FOXP1: variants seen among roughly 807,000 people sequenced by gnomAD.
FOXP1 encodes forkhead box protein P1.
Under a neutral mutation model 98.2 loss-of-function variants are expected in FOXP1, and 15 were observed. That is an observed-to-expected ratio of 0.15 (90% CI 0.10 to 0.24). The LOEUF (loss-of-function observed/expected upper bound fraction) is 0.24, where lower values mean the gene tolerates loss of function less well. Ranked by LOEUF, FOXP1 falls within the 10% of genes least tolerant of loss-of-function variation. The pLI, the probability that FOXP1 is intolerant of heterozygous loss-of-function variation, is 1.00. For missense variants in FOXP1, 633 were observed against 848.5 expected, an observed-to-expected ratio of 0.75 and a Z score of 3.15; for synonymous variants, 371 against 314.5, an observed-to-expected ratio of 1.18 and a Z score of -1.90.
At chr3:71,575,526 C>G (rs1559549574) in intron 2 of FOXP1, among the ~76,000 whole-genome samples, 1 of 152,118 alleles carries the variant, frequency 6.6e-6, no homozygotes, top group Non-Finnish European at 1.5e-5. Flanking sequence ...TGAATTAGGA[C>G]CAACTGCAAC....
chr3:71,034,120 G>A (rs959013780), intron 11 of FOXP1, among the ~76,000 whole-genome samples: 1 of 152,112 alleles, frequency 6.6e-6, no homozygotes, highest in Non-Finnish European at 1.5e-5. Context: ...CTAACCTCCT[G>A]ACTTCCCTGC....
intron 2 of FOXP1, among the ~76,000 whole-genome samples, chr3:71,541,293 C>A (rs567773827): frequency 6.4e-4 from 98 of 152,074 alleles, no homozygotes; most frequent in Non-Finnish European, 1.2e-3. Context: ...TGTAGACATA[C>A]CCTAGAAGAG....
intron 7 of FOXP1, among the ~76,000 whole-genome samples, chr3:71,103,389 T>C (rs984224293): frequency 4.0e-5 from 6 of 151,488 alleles, no homozygotes; most frequent in Non-Finnish European, 8.8e-5. Flanking sequence ...AAAACAGATA[T>C]TGCCTTGTGA....
intron 3 of FOXP1, among the ~76,000 whole-genome samples, chr3:71,361,702 G>C (rs1377776931): frequency 6.6e-6 from 1 of 152,186 alleles, no homozygotes; most frequent in Non-Finnish European, 1.5e-5. Context: ...TGTCGTTCCA[G>C]TGAGACGCCG....
intron 6 of FOXP1, among the ~76,000 whole-genome samples, chr3:71,182,528 GTGTGTATA>G (rs1280164165): frequency 1.4e-4 from 21 of 147,958 alleles, no homozygotes; most frequent in South Asian, 2.1e-4. Flanking sequence ...GTGTGTGTGT[GTGTGTATA>G]TATGTATATA....
At chr3:71,464,482 A>G (rs1290833261) in intron 3 of FOXP1, among the ~76,000 whole-genome samples, 2 of 152,184 alleles carry the variant, frequency 1.3e-5, no homozygotes, top group Non-Finnish European at 2.9e-5. Context: ...GGTGAATCAG[A>G]GGCCAAGTTA....
At chr3:71,352,380 G>A (rs533102287) in intron 4 of FOXP1, among the ~76,000 whole-genome samples, 4 of 148,838 alleles carry the variant, frequency 2.7e-5, no homozygotes, top group South Asian at 2.1e-4. Flanking sequence ...CAGGAGAATC[G>A]CTGGAACCAG....
intron 7 of FOXP1, among the ~76,000 whole-genome samples, chr3:71,109,260 T>G (rs1262179106): frequency 6.6e-6 from 1 of 152,230 alleles, no homozygotes; most frequent in East Asian, 1.9e-4. Flanking sequence ...GATGTTTGAC[T>G]ATATTTTATG....
chr3:71,541,872 G>A (rs2044855072), intron 2 of FOXP1: 1 of 441,784 alleles, frequency 2.3e-6, no homozygotes, highest in African/African-American at 2.1e-5. Flanking sequence ...TATTTATTCA[G>A]ACGGTCTTGC....
intron 14 of FOXP1, among the ~76,000 whole-genome samples, chr3:70,982,936 G>A (rs1236597808): frequency 6.6e-6 from 1 of 152,196 alleles, no homozygotes; most frequent in African/African-American, 2.4e-5. Flanking sequence ...GGACACAACT[G>A]CGTAGTAGGG....
chr3:71,053,986 G>A (rs2050267311), intron 7 of FOXP1, among the ~76,000 whole-genome samples: 1 of 152,192 alleles, frequency 6.6e-6, no homozygotes, highest in Admixed American at 6.5e-5. Context: ...CAGTACTGAT[G>A]GGGGTTCCAG....
chr3:71,044,569 C>T (rs2048776514), intron 10 of FOXP1, among the ~76,000 whole-genome samples: 1 of 152,176 alleles, frequency 6.6e-6, no homozygotes, highest in Non-Finnish European at 1.5e-5. Flanking sequence ...TATTCCTATA[C>T]TTGACATTTA....
At position 71,493,549 on chromosome 3, in the gene FOXP1, T is replaced by A. The variant is rs2091207694; in HGVS notation, c.-291A>T. The A allele has an allele frequency of 6.6e-6, 1 of 152,186 alleles. No individual in the cohort carries two copies. The highest frequency in any genetic ancestry group is 6.5e-5 in the Admixed American group (1 of 15,272). 9.4% of individuals were successfully genotyped at this position (152,186 alleles called of 1,614,324 possible). On this transcript the variant is annotated 5_prime_UTR_variant, in exon 3 of 21. Transcript: ENST00000649528. ...AACTGGAATTGTCAACAAAAGCTTC[T>A]GGGACACTGCAACACAAAAATATTT...
chr3:71,184,376 G>A (rs1415889219), intron 6 of FOXP1, among the ~76,000 whole-genome samples: 1 of 152,178 alleles, frequency 6.6e-6, no homozygotes, highest in African/African-American at 2.4e-5. Flanking sequence ...TGCACTTACT[G>A]TAATCTGTGC....
At chr3:71,360,276 C>T (rs1490808826) in intron 3 of FOXP1, among the ~76,000 whole-genome samples, 2 of 152,154 alleles carry the variant, frequency 1.3e-5, no homozygotes, top group African/African-American at 2.4e-5. Context: ...GACACAGGCG[C>T]CCTACTAGCG....
chr3:71,071,958 G>A (rs921329695), intron 7 of FOXP1, among the ~76,000 whole-genome samples: 1 of 152,128 alleles, frequency 6.6e-6, no homozygotes, highest in Admixed American at 6.5e-5. Context: ...TGTACCAAGT[G>A]CACATTTTAC....
intron 4 of FOXP1, among the ~76,000 whole-genome samples, chr3:71,349,333 TCAA>T (rs2077615592): frequency 6.6e-6 from 1 of 152,224 alleles, no homozygotes; most frequent in Non-Finnish European, 1.5e-5. Context: ...ATAACGCACT[TCAA>T]CAGTTACCCA....
rs781038123 is a variant in FOXP1 at position 71,052,558 on chromosome 3, ATGT to A, written c.486_488del (p.Gln162del). 2.8e-5 allele frequency: 39 copies of A among 1,372,194 alleles called. No individual in the cohort carries two copies. Among genetic ancestry groups the A allele is most frequent in the Admixed American group, 1.2e-4 (7 of 59,742 alleles). The allele number at this position is 1,372,194 out of a possible 1,614,324, so 85.0% of individuals were successfully genotyped here. ...GTACCTCTTTAGGCTGTTTTCCAGC[ATGT>A]TGTTGTTGTAAAAGTTGAAGCTGCA... On this transcript the variant is annotated inframe_deletion, in exon 9 of 21. Coordinates refer to ENST00000649528, the MANE Select transcript of FOXP1 (RefSeq NM_001349338.3).
At chr3:71,434,156 A>T (rs11712352) in intron 3 of FOXP1, among the ~76,000 whole-genome samples, 97,051 of 152,082 alleles carry the variant, frequency 0.64, 32,772 homozygotes, top group Non-Finnish European at 0.75. Context: ...GAGTTTACAG[A>T]CCAACTTGAA....
Sources: allele counts gnomAD v4.1 joint callset (sites outside exome capture counted in the v4.1 genomes callset), GRCh38; gene constraint gnomAD v4.1.1; transcripts MANE v1.5; gene names NCBI Gene and HGNC (gene_info 2026-07-23, HGNC 2026-07-21).